Variants in KRT40 observed in about 807,000 individuals in gnomAD.
The protein encoded by KRT40 is keratin 40, also known as keratin, type I cytoskeletal 40.
A neutral mutation model predicts 43.5 loss-of-function variants in KRT40; 47 were observed. That is an observed-to-expected ratio of 1.08 (90% CI 0.86 to 1.38). KRT40 has a LOEUF of 1.38. Among genes scored for constraint, KRT40 ranks in the 40% most tolerant of loss-of-function variants. KRT40 has a pLI of 0.00. For synonymous variants in KRT40, 212 were observed against 214.0 expected, an observed-to-expected ratio of 0.99 and a Z score of 0.08; for missense variants, 573 against 523.6, an observed-to-expected ratio of 1.09 and a Z score of -0.92.
At chr17:40,986,008 T>C (rs1912452233), upstream of KRT40, among the ~76,000 whole-genome samples, 2 of 152,258 alleles carry the variant, frequency 1.3e-5, no homozygotes. Context: ...CTGGTTATTG[T>C]CCTGCAGGTA....
Position 40,983,857 on chromosome 17 carries a change from G to A in KRT40, c.417C>T (p.Tyr139=), listed in dbSNP as rs1327741807. The change falls in exon 1 of 7, where the codon TAC becomes TAT. Residue 139 remains tyrosine (Y), a synonymous_variant. Transcript: ENST00000377755. ...GTTGGAGATCTTCAATGGTGTTGAAGTAACGCTGATAATCCGGGCACACCA... is the reference window on the plus strand; with the variant it reads ...GTTGGAGATCTTCAATGGTGTTGAAATAACGCTGATAATCCGGGCACACCA... The part of the protein sequence containing the change: ...IPMVCPDYQR[Y]FNTIEDLQQK... The A allele has an allele frequency of 1.2e-6, 2 of 1,614,064 alleles. No homozygotes were observed. Among genetic ancestry groups the A allele is most frequent in the South Asian group, 1.1e-5 (1 of 91,082 alleles).
At chr17:40,986,091 A>G (rs1049208148), upstream of KRT40, among the ~76,000 whole-genome samples, 1 of 152,236 alleles carries the variant, frequency 6.6e-6, no homozygotes, top group African/African-American at 2.4e-5. Flanking sequence ...TCCATCGTAG[A>G]ATATAGAAAT....
At chr17:40,982,777 G>A (rs936543850) in intron 2 of KRT40, among the ~76,000 whole-genome samples, 1 of 152,204 alleles carries the variant, frequency 6.6e-6, no homozygotes, top group African/African-American at 2.4e-5. Flanking sequence ...GCCAAGGCGG[G>A]CAGATCACCT....
upstream of KRT40, among the ~76,000 whole-genome samples, chr17:40,984,710 A>T (rs943283421): frequency 6.6e-6 from 1 of 152,192 alleles, no homozygotes; most frequent in African/African-American, 2.4e-5. Context: ...CCCCTTTTAA[A>T]ATTAGTATTA....
At chr17:40,982,548 C>T in intron 2 of KRT40, 85 bp from the exon 3 acceptor site, 1 of 1,107,044 alleles carries the variant, frequency 9.0e-7, no homozygotes, top group African/African-American at 1.6e-5. Flanking sequence ...GACACACGGA[C>T]TTCAGGAAGC....
upstream of KRT40, chr17:40,984,445 G>T: frequency 1.7e-6 from 1 of 595,296 alleles, no homozygotes; most frequent in Non-Finnish European, 3.0e-6. Flanking sequence ...CATTAGAGTT[G>T]TTTATTTACT....
rs568065456 is a variant in KRT40 at position 40,979,357 on chromosome 17, T to C, written c.976-333A>G. Among the ~76,000 whole-genome samples the C allele has an allele frequency of 1.1e-4, 16 of 151,930 alleles. No homozygotes were observed. In the East Asian group the frequency reaches 3.1e-3, roughly 30 times the overall value. ...GGTGAAACCCCGTCTCTACTAAAAATATAAAAAATTAGCTGGGTACGGTGG... is the reference window on the plus strand; with the variant it reads ...GGTGAAACCCCGTCTCTACTAAAAACATAAAAAATTAGCTGGGTACGGTGG... On this transcript the variant is annotated intron_variant, in intron 5 of 6. Coordinates refer to ENST00000377755, the MANE Select transcript of KRT40 (RefSeq NM_001389244.1).
rs750650422 is a variant in KRT40 at position 40,981,127 on chromosome 17, G to A, written c.712C>T (p.Leu238Phe). 3 of 1,614,118 alleles carry A rather than the reference G, an allele frequency of 1.9e-6. No individual in the cohort carries two copies. Among genetic ancestry groups the A allele is most frequent in the Non-Finnish European group, 2.5e-6 (3 of 1,180,006 alleles). ...EEEVNLLREQ[L>F]GDRLSVELDT... Reference sequence around the variant, plus strand: ...AGCTCCACACTGAGGCGGTCGCCAAGCTGTTCACGAAGCAAGTTGACTTCC... The same window carrying A: ...AGCTCCACACTGAGGCGGTCGCCAAACTGTTCACGAAGCAAGTTGACTTCC... The change falls in exon 4 of 7, where the codon CTT (leucine) becomes TTT (phenylalanine). Residue 238 changes from leucine to phenylalanine, a missense_variant. By Grantham distance (22) the Leu-to-Phe change is conservative (BLOSUM62 0). Transcript: ENST00000377755.
chr17:40,979,233 G>A (rs994781522), intron 5 of KRT40, among the ~76,000 whole-genome samples: 5 of 152,072 alleles, frequency 3.3e-5, no homozygotes, highest in Non-Finnish European at 7.4e-5. Context: ...GTTAATATGC[G>A]GGCTGGGCGC....
intron 6 of KRT40, 75 bp from the exon 7 acceptor site, chr17:40,978,371 A>C: frequency 8.4e-7 from 1 of 1,189,132 alleles, no homozygotes; most frequent in South Asian, 1.2e-5. Flanking sequence ...AAACCGTGTC[A>C]AAATTTGCCC....
Position 40,978,063 on chromosome 17 carries a change from G to A in KRT40, c.*134C>T. On this transcript the variant is annotated 3_prime_UTR_variant, in exon 7 of 7. Coordinates refer to ENST00000377755, the MANE Select transcript of KRT40 (RefSeq NM_001389244.1). ...GAAATAGTAAAGCAGAAAGACTGAG[G>A]ATACCTGGAGGGCAATTCCAGGATA... 4.6e-6 allele frequency: 3 copies of A among 648,082 alleles called. No individual in the cohort carries two copies. Among genetic ancestry groups the A allele is most frequent in the Non-Finnish European group, 8.3e-6 (3 of 361,540 alleles). 40.1% of individuals were successfully genotyped at this position (648,082 alleles called of 1,614,324 possible).
At position 40,982,297 on chromosome 17, in the gene KRT40, C is replaced by G. The variant is rs778279672; in HGVS notation, c.687+10G>C. On this transcript the variant is annotated intron_variant, in intron 3 of 6. Transcript: ENST00000377755. ...TCGGAGTCCTTCAGCGGAGTTGCCA[C>G]TTTCCTTACCTCTTCATGGTTTTTC... 8 of 1,535,530 alleles carry G rather than the reference C, an allele frequency of 5.2e-6. No individual in the cohort carries two copies. The highest frequency in any genetic ancestry group is 7.0e-6 in the Non-Finnish European group (8 of 1,146,430).
chr17:40,982,854 A>G (rs1165551840), intron 2 of KRT40, among the ~76,000 whole-genome samples, 192 bp downstream of exon 2: 2 of 152,104 alleles, frequency 1.3e-5, no homozygotes, highest in African/African-American at 2.4e-5. Context: ...AAATACAAAA[A>G]TTAGCTAGGT....
chr17:40,983,121 C>T lies in KRT40; in HGVS notation c.455G>A (p.Cys152Tyr). ...AAGTCTAGAATTCTCTGCTTTCGTG[C>T]ATAAGATCTGGGAAGCAAGTCATTA... is the stretch of plus-strand genomic sequence containing the variant. The part of the protein sequence containing the change: ...TIEDLQQKIL[C>Y]TKAENSRLAV... Residue 152 changes from cysteine (C) to tyrosine (Y), a missense_variant, in exon 2 of 7, where the codon TGC (cysteine) becomes TAC (tyrosine). Physicochemically the swap from Cys to Tyr is radical, Grantham distance 194. Coordinates refer to ENST00000377755, the MANE Select transcript of KRT40 (RefSeq NM_001389244.1). 7.0e-7 allele frequency: 1 copy of T among 1,433,826 alleles called. No homozygotes were observed. Among genetic ancestry groups the T allele is most frequent in the Non-Finnish European group, 9.7e-7 (1 of 1,026,830 alleles). 88.8% of individuals were successfully genotyped at this position (1,433,826 alleles called of 1,614,324 possible).
chr17:40,980,127 C>T (rs1229794947), intron 5 of KRT40, among the ~76,000 whole-genome samples: 1 of 152,212 alleles, frequency 6.6e-6, no homozygotes, highest in Non-Finnish European at 1.5e-5. Context: ...GAATTGCATC[C>T]TTTGCAAGTT....
At position 40,981,071 on chromosome 17, in the gene KRT40, C is replaced by G; in HGVS notation, c.768G>C (p.Arg256Ser). ...ACTGACAGCGCATCTCATCCAGGAC[C>G]CTGTTGAGGTCAAGGGTGGGGGCAG... is the stretch of plus-strand genomic sequence containing the variant. ...LDTAPTLDLN[R>S]VLDEMRCQCE... The change falls in exon 4 of 7, where the codon AGG (arginine) becomes AGC (serine). Residue 256 changes from arginine to serine, a missense_variant. Transcript: ENST00000377755. The G allele has an allele frequency of 6.2e-7, 1 of 1,614,228 alleles. No individual in the cohort carries two copies. The highest frequency in any genetic ancestry group is 8.5e-7 in the Non-Finnish European group (1 of 1,180,040).
intron 5 of KRT40, among the ~76,000 whole-genome samples, chr17:40,980,223 A>G (rs1255794669): frequency 6.6e-6 from 1 of 152,176 alleles, no homozygotes; most frequent in African/African-American, 2.4e-5. Context: ...TTAAATCAGC[A>G]TAGTGCCTCT....
chr17:40,979,192 C>G (rs1302018315), intron 5 of KRT40, among the ~76,000 whole-genome samples, 168 bp from the exon 6 acceptor site: 1 of 152,150 alleles, frequency 6.6e-6, no homozygotes, highest in East Asian at 1.9e-4. Flanking sequence ...TACAAAGTAT[C>G]TGTTTCATTA....
At chr17:40,982,248 T>C (rs577801805) in intron 3 of KRT40, 59 bp downstream of exon 3, 2 of 1,378,918 alleles carry the variant, frequency 1.5e-6, no homozygotes, top group Admixed American at 5.2e-5. Context: ...CAACAGATCA[T>C]CTGTCAATGT....
Sources: allele counts gnomAD v4.1 joint callset (sites outside exome capture counted in the v4.1 genomes callset), GRCh38; gene constraint gnomAD v4.1.1; transcripts MANE v1.5; gene names NCBI Gene and HGNC (gene_info 2026-07-23, HGNC 2026-07-21).